The following ACIN1 variants were observed in gnomAD, a reference collection of about 807,000 sequenced individuals.
ACIN1 encodes the protein apoptotic chromatin condensation inducer 1.
ACIN1 carries 16 observed loss-of-function variants against 146.6 expected under a neutral mutation model. That is an observed-to-expected ratio of 0.11 (90% CI 0.07 to 0.17). The LOEUF is 0.17. Among genes scored for constraint, ACIN1 ranks in the 10% least tolerant of loss-of-function variants. The probability of loss-of-function intolerance (pLI) is 1.00; values close to 1 mark genes in which losing one functional copy is unlikely to be tolerated. For synonymous variants in ACIN1, 569 were observed against 582.7 expected (o/e 0.98, Z 0.34); for missense variants, 1,357 against 1,609.3 (o/e 0.84, Z 2.68).
At chr14:23,063,943 G>A (rs184289846) in intron 12 of ACIN1, among the ~76,000 whole-genome samples, 162 bp downstream of exon 12, 1 of 152,280 alleles carries the variant, frequency 6.6e-6, no homozygotes, top group East Asian at 1.9e-4. Flanking sequence ...GTAACAGGTA[G>A]CCAGCTGGAT....
intron 8 of ACIN1, chr14:23,071,025 C>T (rs1303994477): frequency 1.5e-5 from 21 of 1,386,284 alleles, no homozygotes; most frequent in Non-Finnish European, 1.0e-6. Flanking sequence ...TGAAAACAAA[C>T]CAAAACGAAA....
rs1405736116 is a variant in ACIN1, at chr14:23,068,988, C to T, written c.2265+488G>A. The T allele has an allele frequency of 1.0e-6, 1 of 973,988 alleles. No homozygotes were observed. The highest frequency in any genetic ancestry group is 1.2e-6 in the Non-Finnish European group (1 of 829,966). 60.3% of individuals were successfully genotyped at this position (973,988 alleles called of 1,614,324 possible). On this transcript the variant is annotated intron_variant, in intron 9 of 18. Transcript: ENST00000605057. The surrounding 1 kb of genome is among the most constrained non-coding windows in gnomAD (Gnocchi z 4.3). ...GGGCCTTCCGGATCACAAGTGCTGG[C>T]TTCTAAGTAGCTACATCTCTGCAGT...
intron 4 of ACIN1, among the ~76,000 whole-genome samples, chr14:23,087,466 GTT>G (rs33926920): frequency 1.2e-4 from 18 of 146,148 alleles, no homozygotes; most frequent in Admixed American, 9.5e-4. Context: ...AACGTCTGGG[GTT>G]TTTTTTTTCC....
At chr14:23,065,675 A>AT (rs936620075) in intron 10 of ACIN1, among the ~76,000 whole-genome samples, 1 of 152,252 alleles carries the variant, frequency 6.6e-6, no homozygotes, top group African/African-American at 2.4e-5. Flanking sequence ...CTTGTTGAGT[A>AT]TTCAGGTATC....
At chr14:23,065,231 G>A (rs2140026544) in intron 10 of ACIN1, among the ~76,000 whole-genome samples, 1 of 152,332 alleles carries the variant, frequency 6.6e-6, no homozygotes, top group East Asian at 1.9e-4. Context: ...TGGGGAAAAT[G>A]TTAAAATTGT....
intron 4 of ACIN1, among the ~76,000 whole-genome samples, chr14:23,089,578 G>A (rs2140229137): frequency 6.6e-6 from 1 of 152,288 alleles, no homozygotes; most frequent in East Asian, 1.9e-4. Flanking sequence ...TGCCTAGCAT[G>A]TGCCTGGTAT....
intron 1 of ACIN1, chr14:23,094,509 G>GGGGTAT (rs2048316897): frequency 2.0e-6 from 2 of 984,982 alleles, no homozygotes; most frequent in Admixed American, 1.2e-4. Flanking sequence ...ATCTAATCGA[G>GGGGTAT]CAGACATTTT....
At chr14:23,071,065 G>T in intron 8 of ACIN1, 1 of 1,494,798 alleles carries the variant, frequency 6.7e-7, no homozygotes, top group Non-Finnish European at 9.1e-7. Context: ...GGAAGAGAAG[G>T]AAGACGAAGG....
At chr14:23,064,071 C>T in intron 12 of ACIN1, 34 bp downstream of exon 12, 1 of 1,612,440 alleles carries the variant, frequency 6.2e-7, no homozygotes, top group Non-Finnish European at 8.5e-7. Context: ...ACTGCTCCCA[C>T]CTTTCCCCTG....
Position 23,068,582 on chromosome 14 carries a change from C to A in ACIN1, c.2265+894G>T. 2 of 985,942 alleles carry A rather than the reference C, an allele frequency of 2.0e-6. No homozygotes were observed. The highest frequency in any genetic ancestry group is 2.4e-6 in the Non-Finnish European group (2 of 829,976). The allele number at this position is 985,942 out of a possible 1,614,324, so 61.1% of individuals were successfully genotyped here. A position where few individuals can be genotyped will look rare whatever the true frequency, so the allele number is the denominator to read the frequency against. Reference sequence around the variant, plus strand: ...TGGCTCTGATTGGGCAGCTCAGTAGCAGCGGGTGGGTCCAGAGGAAGAGGC... The same window carrying A: ...TGGCTCTGATTGGGCAGCTCAGTAGAAGCGGGTGGGTCCAGAGGAAGAGGC... On this transcript the variant is annotated intron_variant, in intron 9 of 18. Transcript: ENST00000605057. The surrounding 1 kb of genome is among the most constrained non-coding windows in gnomAD (Gnocchi z 4.3).
In ACIN1 at chr14:23,094,968, T is replaced by C. The variant is rs1183163034; in HGVS notation, c.138+7A>G. On this transcript the variant is annotated splice_region_variant and intron_variant, in intron 1 of 18. Coordinates refer to ENST00000605057, the MANE Select transcript of ACIN1 (RefSeq NM_001386863.1). Reference sequence around the variant, plus strand: ...CCTCCGACACCCCAGCAACGCCGACTCCTCACCCCTTTGAGCCGCTTGACC... The same window carrying C: ...CCTCCGACACCCCAGCAACGCCGACCCCTCACCCCTTTGAGCCGCTTGACC... 5 of 1,588,768 alleles carry C rather than the reference T, an allele frequency of 3.1e-6. No individual in the cohort carries two copies. In the East Asian group the frequency reaches 9.0e-5, roughly 28 times the overall value.
At chr14:23,095,381 C>T, upstream of ACIN1, 1 of 1,436,352 alleles carries the variant, frequency 7.0e-7, no homozygotes, top group Non-Finnish European at 9.4e-7. Flanking sequence ...AGCTTTGAAT[C>T]GAATATATTC....
At position 23,080,306 on chromosome 14, in the gene ACIN1, A is replaced by G. The variant is rs767349869; in HGVS notation, c.1029T>C (p.Leu343=). 2 of 1,614,146 alleles carry G rather than the reference A, an allele frequency of 1.2e-6. No homozygotes were observed. Among genetic ancestry groups the G allele is most frequent in the South Asian group, 2.2e-5 (2 of 91,074 alleles). ...TGGCAGTTTGCTCTGGCAGCGCTAC[A>G]AGTGAGGCCTTCTTTCGATCTTCAG... is the stretch of plus-strand genomic sequence containing the variant. ...RLTEDRKKAS[L]VALPEQTASE... The change falls in exon 6 of 19, where the codon CTT becomes CTC. Residue 343 remains leucine, a synonymous_variant. Coordinates refer to ENST00000605057, the MANE Select transcript of ACIN1 (RefSeq NM_001386863.1).
At chr14:23,090,902 T>C (rs1004921271) in intron 2 of ACIN1, among the ~76,000 whole-genome samples, 15 of 152,216 alleles carry the variant, frequency 9.9e-5, no homozygotes, top group African/African-American at 3.4e-4. Flanking sequence ...TACAAATTAC[T>C]ATTCTTTATT....
In ACIN1 at chr14:23,090,595, C is replaced by T; in HGVS notation, c.243G>A (p.Gln81=). The T allele has an allele frequency of 6.2e-7, 1 of 1,614,102 alleles. No homozygotes were observed. The highest frequency in any genetic ancestry group is 1.1e-5 in the South Asian group (1 of 91,078). The stretch of plus-strand genomic sequence containing the variant: ...GTAGCTCCTGCTGCTTTTCCAGATA[C>T]TGTTTTATGAAACTGTTCTGGCTCA... ...EEMSQNSFIK[Q]YLEKQQELLR... Residue 81 remains glutamine (Q), a synonymous_variant, in exon 3 of 19, where the codon CAG becomes CAA. Transcript: ENST00000605057.
chr14:23,082,449 T>A (rs1235231912), intron 4 of ACIN1, among the ~76,000 whole-genome samples: 1 of 146,358 alleles, frequency 6.8e-6, no homozygotes, highest in Non-Finnish European at 1.5e-5. Flanking sequence ...TTTTTTTTTT[T>A]TTTTTTTTTT....
chr14:23,074,116 G>A (rs1196162721), intron 8 of ACIN1, among the ~76,000 whole-genome samples: 1 of 151,832 alleles, frequency 6.6e-6, no homozygotes, highest in African/African-American at 2.4e-5. Context: ...GGGATCACAG[G>A]CGTGAGCCAT....
In ACIN1 at chr14:23,093,502, C is replaced by G. The variant is rs763016406; in HGVS notation, c.181G>C (p.Ala61Pro). 7 of 1,613,912 alleles carry G rather than the reference C, an allele frequency of 4.3e-6. No homozygotes were observed. The Middle Eastern group carries it at 6.6e-4, about 152-fold the overall frequency. Residue 61 changes from alanine to proline, a missense_variant, in exon 2 of 19, where the codon GCT (alanine) becomes CCT (proline). Coordinates refer to ENST00000605057, the MANE Select transcript of ACIN1 (RefSeq NM_001386863.1). ...ACCTGGGAATTTGGCTGGAATGCAG[C>G]ATGGGGTGTTGAGTGTTTCTGTAAA... is the stretch of plus-strand genomic sequence containing the variant. ...ENLQKHSTPH[A>P]AFQPNSQIGE...
chr14:23,095,521 G>GCCCA (rs2048355896), upstream of ACIN1: 1 of 555,556 alleles, frequency 1.8e-6, no homozygotes, highest in Non-Finnish European at 3.1e-6. Flanking sequence ...TGCCGGGCTG[G>GCCCA]CCCAGCTTAG....
Sources: gnomAD v4.1 joint callset for allele counts (sites outside exome capture counted in the v4.1 genomes callset) on GRCh38, gnomAD v4.1.1 for gene constraint, Gnocchi (gnomAD v3.1) non-coding constraint, MANE v1.5 for transcripts, NCBI Gene and HGNC (gene_info 2026-07-23, HGNC 2026-07-21) for gene names.